Variants in DDX42 observed in about 807,000 individuals in gnomAD.
DDX42 encodes ATP-dependent RNA helicase DDX42.
A neutral mutation model predicts 101.5 loss-of-function variants in DDX42; 22 were observed. That is an observed-to-expected ratio of 0.22 (90% CI 0.15 to 0.31). The LOEUF (loss-of-function observed/expected upper bound fraction) is 0.31, where lower values mean the gene tolerates loss of function less well. DDX42 is among the 10% of genes least tolerant of loss of function. DDX42 has a pLI of 1.00. For missense variants in DDX42, 849 were observed against 1,199.9 expected (o/e 0.71, Z 4.32); for synonymous variants, 402 against 401.2 (o/e 1.00, Z -0.02).
At chr17:63,798,628 A>C (rs145322223) in intron 4 of DDX42, among the ~76,000 whole-genome samples, 3 of 152,202 alleles carry the variant, frequency 2.0e-5, no homozygotes, top group African/African-American at 7.2e-5. Context: ...GGCTGTAATA[A>C]TACCTAATTT....
rs2040005410 is a variant in DDX42 at position 63,818,313 on chromosome 17, A to G, written c.2732A>G (p.Lys911Arg). 1.2e-6 allele frequency: 2 copies of G among 1,614,082 alleles called. No individual in the cohort carries two copies. The highest frequency in any genetic ancestry group is 1.1e-5 in the South Asian group (1 of 91,084). Reference protein sequence around the residue: ...EPKVDSSKMDKVDSKTDKTAD... With the variant: ...EPKVDSSKMDRVDSKTDKTAD... ...AAAGTGGACAGCAGCAAGATGGACA[A>G]GGTGGACAGCAAGACAGATAAGACA... is the stretch of plus-strand genomic sequence containing the variant. The change falls in exon 18 of 18, where the codon AAG becomes AGG. Residue 911 changes from lysine (K) to arginine (R), a missense_variant. Lys to Arg is a conservative substitution (Grantham distance 26). Around this residue, in one of 5 missense-constraint regions of DDX42, gnomAD observed 300 missense variants for 304.9 expected, o/e 0.98. Transcript: ENST00000389924.
intron 6 of DDX42, among the ~76,000 whole-genome samples, chr17:63,803,998 T>C (rs1432292189): frequency 6.6e-6 from 1 of 152,138 alleles, no homozygotes; most frequent in African/African-American, 2.4e-5. Context: ...CCTATTGCAA[T>C]AATTTGAATA....
At chr17:63,808,665 C>T (rs1329657401) in intron 9 of DDX42, among the ~76,000 whole-genome samples, 155 bp from the exon 10 acceptor site, 2 of 152,090 alleles carry the variant, frequency 1.3e-5, no homozygotes. Context: ...GTATTCCATT[C>T]ATTTATACCT....
At position 63,811,833 on chromosome 17, in the gene DDX42, A is replaced by G. The variant is rs369265079; in HGVS notation, c.1399-99A>G. 1.8e-4 allele frequency: 261 copies of G among 1,488,752 alleles called. No individual in the cohort carries two copies. In the East Asian group the frequency reaches 3.5e-3, roughly 20 times the overall value. 92.2% of individuals were successfully genotyped at this position (1,488,752 alleles called of 1,614,324 possible). On this transcript the variant is annotated intron_variant, in intron 13 of 17. Coordinates refer to ENST00000389924, the MANE Select transcript of DDX42 (RefSeq NM_203499.3). ...GCCCAAGGAGAACTGGGATTGTTCA[A>G]GGTCTTCTCGATGCAGGTAGAAATA...
intron 10 of DDX42, 45 bp downstream of exon 10, chr17:63,808,993 A>G (rs369033072): frequency 4.5e-5 from 72 of 1,598,370 alleles, no homozygotes; most frequent in Non-Finnish European, 5.5e-5. Context: ...CTCCCTCGGT[A>G]TGGAAAACAT....
chr17:63,810,967 A>C, intron 12 of DDX42, 109 bp from the exon 13 acceptor site: 1 of 797,656 alleles, frequency 1.3e-6, no homozygotes. Context: ...TTTAAAGTTC[A>C]GGTGAGCTTA....
rs193030668 is a variant in DDX42 at position 63,787,565 on chromosome 17, G to A, written c.221+295G>A. Among the ~76,000 whole-genome samples, 136 of 152,264 alleles carry A rather than the reference G, an allele frequency of 8.9e-4. 2 individuals are homozygous for A. Among genetic ancestry groups the A allele is most frequent in the African/African-American group, 3.1e-3 (130 of 41,548 alleles). ...AACAGGCTGGGCGTGGTAGCTGGGCGTGGTGGCTCACACCTGTAATCCCAG... is the reference window on the plus strand; with the variant it reads ...AACAGGCTGGGCGTGGTAGCTGGGCATGGTGGCTCACACCTGTAATCCCAG... On this transcript the variant is annotated intron_variant, in intron 2 of 17. Transcript: ENST00000389924.
In DDX42 at chr17:63,811,292, A is replaced by G. The variant is rs1048539409; in HGVS notation, c.1398+119A>G. On this transcript the variant is annotated intron_variant, in intron 13 of 17. Coordinates refer to ENST00000389924, the MANE Select transcript of DDX42 (RefSeq NM_203499.3). ...AAGATGTTATGTTTATAGATGCAAC[A>G]TGCTTGAGATTGGGTATTTTGCAAG... is the stretch of plus-strand genomic sequence containing the variant. 30 of 745,222 alleles carry G rather than the reference A, an allele frequency of 4.0e-5. No individual in the cohort carries two copies. In the African/African-American group the frequency reaches 5.1e-4, roughly 13 times the overall value. The allele number at this position is 745,222 out of a possible 1,614,324, so 46.2% of individuals were successfully genotyped here.
At chr17:63,789,190 C>T (rs904657802) in intron 2 of DDX42, among the ~76,000 whole-genome samples, 9 of 151,142 alleles carry the variant, frequency 6.0e-5, no homozygotes, top group East Asian at 5.9e-4. Context: ...GTGATTCTCA[C>T]GCCTCAGCCT....
chr17:63,806,407 T>C (rs908204029), intron 7 of DDX42, 128 bp from the exon 8 acceptor site: 11 of 1,013,088 alleles, frequency 1.1e-5, no homozygotes, highest in African/African-American at 1.7e-5. Context: ...TGTATGATTT[T>C]GGCTTACAGA....
intron 9 of DDX42, among the ~76,000 whole-genome samples, 171 bp downstream of exon 9, chr17:63,808,071 C>T (rs1275441526): frequency 6.6e-6 from 1 of 152,150 alleles, no homozygotes; most frequent in Non-Finnish European, 1.5e-5. Flanking sequence ...TAAGTATATT[C>T]ACAGTGTTGT....
rs767864186 is a variant in DDX42 at position 63,787,178 on chromosome 17, CTCT to C, written c.136_138del (p.Ser46del). ...CCCACAGTGCCTTTGGGGCAACCAGCTCTTCTTCTGGATTTGGAAAGTCAGCTC... is the reference window on the plus strand; with the variant it reads ...CCCACAGTGCCTTTGGGGCAACCAGCTCTTCTGGATTTGGAAAGTCAGCTC... On this transcript the variant is annotated inframe_deletion, in exon 2 of 18. Transcript: ENST00000389924. The C allele has an allele frequency of 2.0e-4, 324 of 1,614,166 alleles. No homozygotes were observed. In the African/African-American group the frequency reaches 2.0e-3, roughly 10 times the overall value.
At chr17:63,812,720 C>T (rs937974823) in intron 14 of DDX42, among the ~76,000 whole-genome samples, 1 of 152,088 alleles carries the variant, frequency 6.6e-6, no homozygotes, top group Non-Finnish European at 1.5e-5. Context: ...TGGCAGATTA[C>T]TGATGCAAAA....
At chr17:63,781,951 A>G (rs909835192) in intron 1 of DDX42, among the ~76,000 whole-genome samples, 1 of 152,058 alleles carries the variant, frequency 6.6e-6, no homozygotes, top group Non-Finnish European at 1.5e-5. Flanking sequence ...CAGAGCTTGC[A>G]GTGAGCCGAG....
intron 1 of DDX42, among the ~76,000 whole-genome samples, chr17:63,784,223 T>G (rs890105617): frequency 6.6e-6 from 1 of 152,148 alleles, no homozygotes; most frequent in Non-Finnish European, 1.5e-5. Context: ...TAATAAACAG[T>G]TTTTGGAATT....
At chr17:63,811,745 A>G (rs895342250) in intron 13 of DDX42, 187 bp from the exon 14 acceptor site, 42 of 708,568 alleles carry the variant, frequency 5.9e-5, no homozygotes, top group African/African-American at 1.8e-4. Flanking sequence ...TATGTACACC[A>G]GGTGGAGAGC....
intron 10 of DDX42, 104 bp from the exon 11 acceptor site, chr17:63,809,456 G>A: frequency 1.2e-6 from 1 of 845,616 alleles, no homozygotes; most frequent in Non-Finnish European, 2.0e-6. Flanking sequence ...ATCTATTACA[G>A]TCTGAGACTA....
Position 63,789,553 on chromosome 17 carries a change from GTTTTTGTTTTTGTTTTTGTTTTTTTT to G in DDX42, c.221+2289_221+2314del, listed in dbSNP as rs1598327184. On this transcript the variant is annotated intron_variant, in intron 2 of 17. Coordinates refer to ENST00000389924, the MANE Select transcript of DDX42 (RefSeq NM_203499.3). ...AAAAAAGCTTCTAAAAGACTTTTTT[GTTTTTGTTTTTGTTTTTGTTTTTTTT>G]TTTTTTTTTTTGAGACAGAGTTTCG... Among the ~76,000 whole-genome samples the G allele has an allele frequency of 3.1e-4, 9 of 28,642 alleles. No individual in the cohort carries two copies. In the East Asian group the frequency reaches 8.0e-3, roughly 25 times the overall value. The allele number at this position is 28,642 out of a possible 152,430, so 18.8% of individuals were successfully genotyped here.
intron 3 of DDX42, among the ~76,000 whole-genome samples, chr17:63,797,143 C>T (rs565794066): frequency 6.6e-6 from 1 of 151,926 alleles, no homozygotes; most frequent in Non-Finnish European, 1.5e-5. Context: ...CCTGAGGTCA[C>T]GAGCTCGAGA....
Sources: gnomAD v4.1 joint callset for allele counts (sites outside exome capture counted in the v4.1 genomes callset) on GRCh38, gnomAD v4.1.1 for gene constraint, gnomAD v4.1.1 regional missense constraint, MANE v1.5 for transcripts, NCBI Gene and HGNC (gene_info 2026-07-23, HGNC 2026-07-21) for gene names.